The following AGBL4 variants were observed in gnomAD, a reference collection of about 807,000 sequenced individuals.
The protein encoded by AGBL4 is cytosolic carboxypeptidase 6.
A neutral mutation model predicts 66.4 loss-of-function variants in AGBL4; 58 were observed. The ratio of observed to expected loss-of-function variants is 0.87; its 90% CI spans 0.71 to 1.09. The LOEUF (loss-of-function observed/expected upper bound fraction) is 1.09. AGBL4 is among the 50% of genes least tolerant of loss of function. The probability of loss-of-function intolerance (pLI) is 0.00; values close to 1 mark genes in which losing one functional copy is unlikely to be tolerated. For missense variants in AGBL4, 579 were observed against 631.0 expected, an observed-to-expected ratio of 0.92 and a Z score of 0.88; for synonymous variants, 234 against 222.9, an observed-to-expected ratio of 1.05 and a Z score of -0.44.
intron 4 of AGBL4, among the ~76,000 whole-genome samples, chr1:49,176,238 G>A (rs1032777068): frequency 7.9e-5 from 12 of 152,106 alleles, no homozygotes; most frequent in African/African-American, 2.7e-4. Context: ...TAGTAAACTG[G>A]CATTTGTTGA....
chr1:49,488,829 T>A (rs1308965489), intron 3 of AGBL4, among the ~76,000 whole-genome samples: 1 of 151,902 alleles, frequency 6.6e-6, no homozygotes, highest in African/African-American at 2.4e-5. Flanking sequence ...TTATTTCACC[T>A]CCAGTTCCAT....
At chr1:49,301,160 C>T (rs1381905360) in intron 3 of AGBL4, among the ~76,000 whole-genome samples, 3 of 152,186 alleles carry the variant, frequency 2.0e-5, no homozygotes, top group Non-Finnish European at 2.9e-5. Flanking sequence ...ATCAGTATCT[C>T]TCAATTTACA....
intron 3 of AGBL4, among the ~76,000 whole-genome samples, chr1:49,352,175 A>C (rs1643923885): frequency 6.6e-6 from 1 of 152,146 alleles, no homozygotes; most frequent in Non-Finnish European, 1.5e-5. Context: ...CACCGCTTGC[A>C]TCTCTGCTGA....
intron 3 of AGBL4, among the ~76,000 whole-genome samples, chr1:49,482,159 T>A (rs1016562494): frequency 1.3e-5 from 2 of 151,676 alleles, no homozygotes; most frequent in African/African-American, 2.4e-5. Context: ...TAGGGAGGAG[T>A]CAGTCCTTCC....
intron 3 of AGBL4, among the ~76,000 whole-genome samples, chr1:49,434,228 T>TACCAATCTGGATTGATAAGAA (rs1645850329): frequency 6.6e-6 from 1 of 150,548 alleles, no homozygotes; most frequent in African/African-American, 2.4e-5. Context: ...TCTGTCCTTT[T>TACCAATCTGGATTGATAAGAA]ATCAATCTGG....
chr1:49,282,985 C>T (rs1386199559), intron 3 of AGBL4, among the ~76,000 whole-genome samples: 3 of 152,234 alleles, frequency 2.0e-5, no homozygotes, highest in Admixed American at 1.3e-4. Context: ...GGTAAACAAA[C>T]CAGCTGGGAA....
intron 6 of AGBL4, among the ~76,000 whole-genome samples, chr1:48,687,457 G>A (rs758952718): frequency 2.0e-5 from 3 of 152,174 alleles, no homozygotes; most frequent in Non-Finnish European, 4.4e-5. Flanking sequence ...ACAGGCTGAC[G>A]CAGGGAGGCC....
chr1:49,651,843 T>G (rs544543129), intron 3 of AGBL4, among the ~76,000 whole-genome samples: 1 of 152,244 alleles, frequency 6.6e-6, no homozygotes, highest in East Asian at 1.9e-4. Flanking sequence ...GCACTAGCTC[T>G]CTACAATGGA....
chr1:48,543,400 A>G (rs1184808731), intron 11 of AGBL4, among the ~76,000 whole-genome samples: 1 of 150,736 alleles, frequency 6.6e-6, no homozygotes, highest in East Asian at 1.9e-4. Flanking sequence ...CCATCCATCC[A>G]TCCATCCATC....
In AGBL4 at chr1:48,679,712, C is replaced by T. The variant is rs367810514; in HGVS notation, c.635-16471G>A. 4.9e-4 allele frequency among the ~76,000 whole-genome samples: 74 copies of T among 152,366 alleles called. 1 individual carries two copies. In the South Asian group the frequency reaches 0.015, roughly 30 times the overall value. On this transcript the variant is annotated intron_variant, in intron 6 of 13. Coordinates refer to ENST00000371839, the MANE Select transcript of AGBL4 (RefSeq NM_032785.4). Reference sequence around the variant, plus strand: ...TCTCCAAGCACTGAGTTCTTCTGCTCCTTATTCCAGAGGTGGTTGTGACAT... The same window carrying T: ...TCTCCAAGCACTGAGTTCTTCTGCTTCTTATTCCAGAGGTGGTTGTGACAT...
At chr1:49,523,066 CT>C (rs1266240887) in intron 3 of AGBL4, among the ~76,000 whole-genome samples, 2 of 151,998 alleles carry the variant, frequency 1.3e-5, no homozygotes, top group African/African-American at 4.8e-5. Context: ...CCTGAAATTC[CT>C]TCATTAAGCT....
chr1:49,743,099 T>G (rs988815812), intron 2 of AGBL4, among the ~76,000 whole-genome samples: 1 of 152,168 alleles, frequency 6.6e-6, no homozygotes, highest in Admixed American at 6.6e-5. Flanking sequence ...GAAACTACCT[T>G]CAGACTGAAC....
chr1:49,334,686 T>G (rs985615101), intron 3 of AGBL4, among the ~76,000 whole-genome samples: 3 of 152,186 alleles, frequency 2.0e-5, no homozygotes, highest in Non-Finnish European at 4.4e-5. Context: ...GGAATCATTA[T>G]GGTCACAAGT....
intron 3 of AGBL4, among the ~76,000 whole-genome samples, chr1:49,437,833 C>T (rs1024034012): frequency 1.3e-5 from 2 of 150,040 alleles, no homozygotes; most frequent in African/African-American, 5.1e-5. Flanking sequence ...TTTAGTCTTT[C>T]TCCAAAACGG....
At chr1:49,198,182 T>C (rs1023356998) in intron 4 of AGBL4, among the ~76,000 whole-genome samples, 3 of 152,100 alleles carry the variant, frequency 2.0e-5, no homozygotes, top group Non-Finnish European at 2.9e-5. Flanking sequence ...CTCTCTCGTA[T>C]TGGGGCTTCA....
At chr1:49,748,037 T>C (rs1651133806) in intron 2 of AGBL4, among the ~76,000 whole-genome samples, 1 of 151,970 alleles carries the variant, frequency 6.6e-6, no homozygotes. Context: ...AGTTTTGGGA[T>C]ACATGTGCGG....
chr1:49,412,825 C>T (rs569091759), intron 3 of AGBL4, among the ~76,000 whole-genome samples: 97 of 151,502 alleles, frequency 6.4e-4, no homozygotes, highest in African/African-American at 2.2e-3. Flanking sequence ...TAAGGGCCCT[C>T]AAAAGAAAAG....
intron 3 of AGBL4, among the ~76,000 whole-genome samples, chr1:49,315,871 A>G (rs1645031186): frequency 6.6e-6 from 1 of 152,112 alleles, no homozygotes; most frequent in African/African-American, 2.4e-5. Context: ...GATGTCCTTC[A>G]ATAGAGTAAT....
intron 6 of AGBL4, among the ~76,000 whole-genome samples, chr1:48,689,046 T>C (rs1646579938): frequency 6.6e-6 from 1 of 150,614 alleles, no homozygotes; most frequent in Admixed American, 6.6e-5. Flanking sequence ...TGAAACCCCG[T>C]CTCTACTAAA....
Sources: gnomAD v4.1 joint callset for allele counts (sites outside exome capture counted in the v4.1 genomes callset) on GRCh38, gnomAD v4.1.1 for gene constraint, MANE v1.5 for transcripts, NCBI Gene and HGNC (gene_info 2026-07-23, HGNC 2026-07-21) for gene names.